RRP1: variants seen among roughly 807,000 people sequenced by gnomAD.
RRP1 encodes the protein ribosomal RNA processing 1.
RRP1 carries 37 observed loss-of-function variants against 54.6 expected under a neutral mutation model. That is an observed-to-expected ratio of 0.68 (90% CI 0.52 to 0.89). The LOEUF (loss-of-function observed/expected upper bound fraction) is 0.89, where lower values mean the gene tolerates loss of function less well. Ranked by LOEUF, RRP1 falls within the 40% of genes least tolerant of loss-of-function variation. The pLI is 0.00. For synonymous variants in RRP1, 262 were observed against 244.3 expected (o/e 1.07, Z -0.67); for missense variants, 639 against 612.5 (o/e 1.04, Z -0.46).
chr21:43,802,285 G>A lies in RRP1; in HGVS notation c.1021G>A (p.Glu341Lys), dbSNP rs1444291128. 10 of 1,613,578 alleles carry A rather than the reference G, an allele frequency of 6.2e-6. No individual in the cohort carries two copies. The highest frequency in any genetic ancestry group is 8.5e-6 in the Non-Finnish European group (10 of 1,179,926). The change falls in exon 12 of 13, where the codon GAA (glutamate) becomes AAA (lysine). Residue 341 changes from glutamate to lysine, a missense_variant. Coordinates refer to ENST00000497547, the MANE Select transcript of RRP1 (RefSeq NM_003683.6). ...GCCCTGGTTCTCAGGCATTTTCCCT[G>A]AAGATGAGATCCCAGAGAAGGCCTG... The part of the protein sequence containing the change: ...LQDLAGGIFP[E>K]DEIPEKACRR...
rs372893290 is a variant in RRP1 at position 43,803,644 on chromosome 21, G to A, written c.1256G>A (p.Arg419Gln). The A allele has an allele frequency of 2.7e-5, 42 of 1,551,404 alleles. No homozygotes were observed. The highest frequency in any genetic ancestry group is 2.5e-4 in the African/African-American group (18 of 73,250). ...GGCACAGCTGAGCGGGCCCTGCTCC[G>A]AGATCAGCCCAGGGGCCGTGGCCAG... Reference protein sequence around the residue: ...QPGTAERALLRDQPRGRGQRG... With the variant: ...QPGTAERALLQDQPRGRGQRG... The change falls in exon 13 of 13, where the codon CGA (arginine) becomes CAA (glutamine). Residue 419 changes from arginine to glutamine, a missense_variant. Physicochemically the swap from Arg to Gln is conservative, Grantham distance 43 (BLOSUM62 1). Transcript: ENST00000497547.
At position 43,803,873 on chromosome 21, in the gene RRP1, C is replaced by T; in HGVS notation, c.*99C>T. The stretch of plus-strand genomic sequence containing the variant: ...GTTCTGTAGACTCAGGACCGTGGCT[C>T]CAGAACTCCTGTGCCAGGCGGGAGG... On this transcript the variant is annotated 3_prime_UTR_variant, in exon 13 of 13. Transcript: ENST00000497547. The T allele has an allele frequency of 7.2e-7, 1 of 1,385,448 alleles. No individual in the cohort carries two copies. The highest frequency in any genetic ancestry group is 9.6e-7 in the Non-Finnish European group (1 of 1,043,798). The allele number at this position is 1,385,448 out of a possible 1,614,324, so 85.8% of individuals were successfully genotyped here.
At position 43,789,670 on chromosome 21, in the gene RRP1, C is replaced by T. The variant is rs2084936139; in HGVS notation, c.41C>T (p.Ala14Val). The T allele has an allele frequency of 1.1e-5, 17 of 1,576,878 alleles. No homozygotes were observed. The highest frequency in any genetic ancestry group is 1.3e-5 in the Non-Finnish European group (15 of 1,162,766). ...RVQLPPEIQL[A>V]QRLAGNEQVT... is the part of the protein sequence containing the mutation. ...CAGCTCCCGCCTGAGATCCAGCTGG[C>T]TCAGCGCCTGGCGGGGAATGAGCAG... Residue 14 changes from alanine to valine, a missense_variant, in exon 1 of 13, where the codon GCT becomes GTT. By Grantham distance (64) the Ala-to-Val change is moderately conservative. Coordinates refer to ENST00000497547, the MANE Select transcript of RRP1 (RefSeq NM_003683.6).
At chr21:43,793,699 C>T (rs577953128) in intron 4 of RRP1, among the ~76,000 whole-genome samples, 2 of 152,300 alleles carry the variant, frequency 1.3e-5, no homozygotes, top group Admixed American at 6.5e-5. Flanking sequence ...ATGGTGACAC[C>T]GTTGTTACCT....
At chr21:43,799,078 C>T (rs2085054942) in intron 8 of RRP1, among the ~76,000 whole-genome samples, 1 of 152,182 alleles carries the variant, frequency 6.6e-6, no homozygotes, top group Non-Finnish European at 1.5e-5. Flanking sequence ...CCACAGCTGC[C>T]TGTTGCCCAA....
Position 43,803,576 on chromosome 21 carries a change from AG to A in RRP1, c.1192del (p.Ala398ProfsTer43). 1.3e-6 allele frequency: 2 copies of A among 1,554,272 alleles called. No homozygotes were observed. The highest frequency in any genetic ancestry group is 1.7e-6 in the Non-Finnish European group (2 of 1,149,400). ...GGAAGAGGAGCAGGAGGAGGGGTGT[AG>A]GGGCCGACCCCGAGGCGCGGGCAGA... ...ERKRSRRRGV[G>X]ADPEARAEAG... On this transcript the variant is annotated frameshift_variant, in exon 13 of 13. Coordinates refer to ENST00000497547, the MANE Select transcript of RRP1 (RefSeq NM_003683.6). LOFTEE classifies it low-confidence loss of function (END_TRUNC).
chr21:43,796,614 CTG>C (rs1273113347), intron 5 of RRP1, among the ~76,000 whole-genome samples: 1 of 152,178 alleles, frequency 6.6e-6, no homozygotes, highest in Non-Finnish European at 1.5e-5. Context: ...TCCCTTGCAT[CTG>C]TGTGTCTTCC....
At chr21:43,799,509 G>T in intron 8 of RRP1, 61 bp from the exon 9 acceptor site, 1 of 1,544,272 alleles carries the variant, frequency 6.5e-7, no homozygotes. Context: ...TCCATTCCTG[G>T]ATGTTTGGGG....
intron 2 of RRP1, 102 bp downstream of exon 2, chr21:43,791,534 C>G: frequency 9.4e-7 from 1 of 1,063,492 alleles, no homozygotes. Flanking sequence ...CGGAGTTTCG[C>G]TCTTGTTGCC....
intron 12 of RRP1, among the ~76,000 whole-genome samples, chr21:43,803,259 C>T (rs185168065): frequency 6.6e-6 from 1 of 152,364 alleles, no homozygotes; most frequent in Admixed American, 6.5e-5. Flanking sequence ...CCTGCCTACT[C>T]CTCTGTGCCT....
intron 4 of RRP1, among the ~76,000 whole-genome samples, chr21:43,794,937 C>T (rs1348802234): frequency 6.6e-6 from 1 of 152,212 alleles, no homozygotes; most frequent in Non-Finnish European, 1.5e-5. Context: ...ACCCCCCATG[C>T]ACCTGCTTCC....
Position 43,800,498 on chromosome 21 carries a change from C to T in RRP1, c.892-19C>T, listed in dbSNP as rs1205134057. The T allele has an allele frequency of 2.2e-5, 35 of 1,612,770 alleles. No individual in the cohort carries two copies. The highest frequency in any genetic ancestry group is 3.3e-4 in the Middle Eastern group (2 of 6,082). On this transcript the variant is annotated intron_variant, in intron 9 of 12. Coordinates refer to ENST00000497547, the MANE Select transcript of RRP1 (RefSeq NM_003683.6). ...AGCGTGGCTGACCTTGCCTCTGTGA[C>T]GTCTCTCTTTTGAAACAGTTTGACT... is the stretch of plus-strand genomic sequence containing the variant.
At position 43,797,650 on chromosome 21, in the gene RRP1, T is replaced by G; in HGVS notation, c.572T>G (p.Leu191Arg). Residue 191 changes from leucine to arginine, a missense_variant, in exon 7 of 13, where the codon CTG becomes CGG. Physicochemically the swap from Leu to Arg is moderately radical, Grantham distance 102. Coordinates refer to ENST00000497547, the MANE Select transcript of RRP1 (RefSeq NM_003683.6). ...CCGTAGCTTACGGCAGACCAGAACC[T>G]GAAGTTCATCGACCCCTTCTGCAGA... ...GAEELTADQN[L>R]KFIDPFCRIA... is the part of the protein sequence containing the mutation. The G allele has an allele frequency of 1.2e-6, 2 of 1,614,176 alleles. No individual in the cohort carries two copies. The highest frequency in any genetic ancestry group is 2.2e-5 in the South Asian group (2 of 91,092).
rs544894620 is a variant in RRP1, at chr21:43,803,947, A to G, written c.*173A>G. The G allele has an allele frequency of 5.0e-6, 4 of 802,564 alleles. No individual in the cohort carries two copies. Among genetic ancestry groups the G allele is most frequent in the Non-Finnish European group, 5.6e-6 (3 of 531,020 alleles). 49.7% of individuals were successfully genotyped at this position (802,564 alleles called of 1,614,324 possible). ...GCCCATCATTAGGGGCCAGCATCCC[A>G]GGAACTGGACCTTTCCCCAGAGCCT... is the stretch of plus-strand genomic sequence containing the variant. On this transcript the variant is annotated 3_prime_UTR_variant, in exon 13 of 13. Transcript: ENST00000497547.
chr21:43,803,999 C>T lies in RRP1; in HGVS notation c.*225C>T. 1.9e-6 allele frequency: 1 copy of T among 534,080 alleles called. No homozygotes were observed. Among genetic ancestry groups the T allele is most frequent in the Non-Finnish European group, 3.2e-6 (1 of 315,212 alleles). 33.1% of individuals were successfully genotyped at this position (534,080 alleles called of 1,614,324 possible). Reference sequence around the variant, plus strand: ...CGCCTGTGGCTGTGATGACCTTGGGCCAGAAGGTCAAACTCCGAAGACTGA... The same window carrying T: ...CGCCTGTGGCTGTGATGACCTTGGGTCAGAAGGTCAAACTCCGAAGACTGA... On this transcript the variant is annotated 3_prime_UTR_variant, in exon 13 of 13. Transcript: ENST00000497547.
At chr21:43,793,297 T>G (rs2084980059) in intron 3 of RRP1, 22 bp from the exon 4 acceptor site, 1 of 1,612,240 alleles carries the variant, frequency 6.2e-7, no homozygotes, top group Non-Finnish European at 8.5e-7. Flanking sequence ...AGTGGTTCTC[T>G]TCTGGCTTAT....
At position 43,802,356 on chromosome 21, in the gene RRP1, G is replaced by A. The variant is rs1218891604; in HGVS notation, c.1092G>A (p.Gln364=). The A allele has an allele frequency of 1.2e-6, 2 of 1,614,066 alleles. No individual in the cohort carries two copies. The highest frequency in any genetic ancestry group is 1.7e-6 in the Non-Finnish European group (2 of 1,180,008). Residue 364 remains glutamine, a synonymous_variant, in exon 12 of 13, where the codon CAG becomes CAA. Coordinates refer to ENST00000497547, the MANE Select transcript of RRP1 (RefSeq NM_003683.6). ...GGCGGCAGAAGAAGACGAAGAAGCAGAAGCGTCTGCTCAGGTTGCAGCAGG... is the reference window on the plus strand; with the variant it reads ...GGCGGCAGAAGAAGACGAAGAAGCAAAAGCGTCTGCTCAGGTTGCAGCAGG... ...EGRRQKKTKK[Q]KRLLRLQQER... is the part of the protein sequence containing the mutation.
At chr21:43,797,350 G>A (rs764044982) in intron 5 of RRP1, 72 bp from the exon 6 acceptor site, 3 of 1,538,586 alleles carry the variant, frequency 1.9e-6, no homozygotes, top group Non-Finnish European at 2.6e-6. Context: ...GTGTAACCAT[G>A]GGAGAGTGGG....
At chr21:43,797,764 G>T (rs73379033) in intron 7 of RRP1, 69 bp downstream of exon 7, 13 of 1,591,436 alleles carry the variant, frequency 8.2e-6, no homozygotes, top group Non-Finnish European at 1.1e-5. Context: ...GCTGTTGTGG[G>T]GGTGCTGCTC....
Sources: gnomAD v4.1 joint callset for allele counts (sites outside exome capture counted in the v4.1 genomes callset) on GRCh38, gnomAD v4.1.1 for gene constraint, MANE v1.5 for transcripts, NCBI Gene and HGNC (gene_info 2026-07-23, HGNC 2026-07-21) for gene names.